The following RXRA variants were observed in gnomAD, a reference collection of about 807,000 sequenced individuals.
The protein encoded by RXRA is retinoic acid receptor RXR-alpha.
Under a neutral mutation model 44.5 loss-of-function variants are expected in RXRA, and 5 were observed. The ratio of observed to expected loss-of-function variants is 0.11; its 90% CI spans 0.06 to 0.24. The LOEUF (loss-of-function observed/expected upper bound fraction) is 0.24. Among genes scored for constraint, RXRA ranks in the 10% least tolerant of loss-of-function variants. The probability of loss-of-function intolerance (pLI) is 1.00; values close to 1 mark genes in which losing one functional copy is unlikely to be tolerated. For synonymous variants in RXRA, 291 were observed against 271.4 expected (o/e 1.07, Z -0.71); for missense variants, 412 against 646.5 (o/e 0.64, Z 3.93).
rs1588252577 is a variant in RXRA at position 134,342,381 on chromosome 9, G to A, written c.28+15722G>A. 6.6e-6 allele frequency among the ~76,000 whole-genome samples: 1 copy of A among 152,174 alleles called. No homozygotes were observed. The highest frequency in any genetic ancestry group is 6.5e-5 in the Admixed American group (1 of 15,286). On this transcript the variant is annotated intron_variant, in intron 1 of 9. Coordinates refer to ENST00000481739, the MANE Select transcript of RXRA (RefSeq NM_002957.6). This position sits in a 1 kb window ranked among gnomAD's most constrained non-coding sequence, Gnocchi z 4.4. ...GGCCTGGGCTCAGAGAGGCTGAGCC[G>A]ATCTTCAAGGCCACACAGCTTGTGG...
intron 5 of RXRA, among the ~76,000 whole-genome samples, chr9:134,419,373 CCA>C (rs1831290739): frequency 6.6e-6 from 1 of 152,236 alleles, no homozygotes; most frequent in African/African-American, 2.4e-5. Context: ...GAGTTTAGAA[CCA>C]CAGAGGCAGG....
chr9:134,344,238 T>G (rs1329039441), intron 1 of RXRA, among the ~76,000 whole-genome samples: 1 of 152,192 alleles, frequency 6.6e-6, no homozygotes, highest in African/African-American at 2.4e-5. Flanking sequence ...CAGCCTCCTC[T>G]GGCACCGGCA....
rs1253836147 is a variant in RXRA, at chr9:134,343,046, G to T, written c.28+16387G>T. ...CCAGCAGATTATGGGATTTTCACCT[G>T]CCCAGCCCTGGGAGGTGTCTTGGAC... On this transcript the variant is annotated intron_variant, in intron 1 of 9. Transcript: ENST00000481739. The surrounding 1 kb of genome is among the most constrained non-coding windows in gnomAD (Gnocchi z 4.1). Among the ~76,000 whole-genome samples the T allele has an allele frequency of 1.3e-5, 2 of 152,174 alleles. No homozygotes were observed. The highest frequency in any genetic ancestry group is 6.5e-5 in the Admixed American group (1 of 15,290).
At chr9:134,358,859 G>C (rs1830316122) in intron 1 of RXRA, among the ~76,000 whole-genome samples, 1 of 152,190 alleles carries the variant, frequency 6.6e-6, no homozygotes, top group Non-Finnish European at 1.5e-5. Flanking sequence ...AGGGCTGTGG[G>C]CAGAGGGCCA....
chr9:134,434,544 G>A (rs910995920), intron 9 of RXRA, among the ~76,000 whole-genome samples: 9 of 152,190 alleles, frequency 5.9e-5, no homozygotes, highest in African/African-American at 1.7e-4. Flanking sequence ...GGCGACACCA[G>A]CACATAGTAG....
intron 9 of RXRA, among the ~76,000 whole-genome samples, chr9:134,435,724 AC>A (rs1315116891): frequency 6.6e-6 from 1 of 151,734 alleles, no homozygotes; most frequent in African/African-American, 2.4e-5. Context: ...TTGGTTGCCC[AC>A]CATGTGCCGG....
At chr9:134,418,354 T>C (rs1233351807) in intron 5 of RXRA, among the ~76,000 whole-genome samples, 2 of 152,158 alleles carry the variant, frequency 1.3e-5, no homozygotes, top group African/African-American at 4.8e-5. Flanking sequence ...TCTTTTGCCA[T>C]GGTCACCATG....
chr9:134,408,413 G>T, intron 3 of RXRA, 114 bp downstream of exon 3: 2 of 1,172,768 alleles, frequency 1.7e-6, no homozygotes, highest in Non-Finnish European at 2.3e-6. Flanking sequence ...CAAGGCCAGG[G>T]TGCAGGGAGG....
At chr9:134,326,680 G>GCGGGGA in intron 1 of RXRA, 21 bp downstream of exon 1, 2 of 893,558 alleles carry the variant, frequency 2.2e-6, no homozygotes, top group South Asian at 4.9e-5. Context: ...GCCGGGCCGG[G>GCGGGGA]CGGGGACGGG....
rs866406777 is a variant in RXRA at position 134,433,661 on chromosome 9, C to T, written c.1136-441C>T. Among the ~76,000 whole-genome samples, 7 of 152,092 alleles carry T rather than the reference C, an allele frequency of 4.6e-5. No individual in the cohort carries two copies. Among genetic ancestry groups the T allele is most frequent in the African/African-American group, 1.7e-4 (7 of 41,390 alleles). On this transcript the variant is annotated intron_variant, in intron 8 of 9. Coordinates refer to ENST00000481739, the MANE Select transcript of RXRA (RefSeq NM_002957.6). The surrounding 1 kb of genome is among the most constrained non-coding windows in gnomAD (Gnocchi z 4.2). ...CGCAAGCACACCGAGGATGGGTTTC[C>T]GCAGGGTCTGGGTACTCCTGGGGGC...
At chr9:134,421,126 C>G (rs1831322740) in intron 5 of RXRA, among the ~76,000 whole-genome samples, 1 of 152,248 alleles carries the variant, frequency 6.6e-6, no homozygotes, top group Non-Finnish European at 1.5e-5. Flanking sequence ...GTGGGAGAGA[C>G]TCGTGCGTCC....
rs77647821 is a variant in RXRA, at chr9:134,354,756, G to T, written c.28+28097G>T. On this transcript the variant is annotated intron_variant, in intron 1 of 9. Transcript: ENST00000481739. ...GGCCGTGTTGTTGCTCGAAGTCTCA[G>T]ATCTGGGCCAAACCTGCCTCCGCTG... Among the ~76,000 whole-genome samples, 34 of 152,374 alleles carry T rather than the reference G, an allele frequency of 2.2e-4. No homozygotes were observed. In the East Asian group the frequency reaches 6.6e-3, roughly 29 times the overall value.
intron 1 of RXRA, among the ~76,000 whole-genome samples, chr9:134,359,526 A>G (rs1830323816): frequency 6.6e-6 from 1 of 152,056 alleles, no homozygotes; most frequent in Non-Finnish European, 1.5e-5. Flanking sequence ...TTCCTGGGGC[A>G]CTGTGGCTTT....
chr9:134,372,352 G>A (rs1050594367), intron 1 of RXRA, among the ~76,000 whole-genome samples: 3 of 152,154 alleles, frequency 2.0e-5, no homozygotes, highest in African/African-American at 7.2e-5. Flanking sequence ...GTTGGGGCTG[G>A]AGCATGGACC....
chr9:134,384,333 C>A (rs1290439296), intron 1 of RXRA, among the ~76,000 whole-genome samples: 1 of 152,238 alleles, frequency 6.6e-6, no homozygotes, highest in Non-Finnish European at 1.5e-5. Flanking sequence ...CCAAACTGGG[C>A]AGACATTGAT....
intron 1 of RXRA, among the ~76,000 whole-genome samples, chr9:134,332,072 C>T (rs550277213): frequency 1.2e-3 from 177 of 151,782 alleles, no homozygotes; most frequent in African/African-American, 4.1e-3. Context: ...TGGTTGAAGG[C>T]CCTCTAAGGA....
chr9:134,344,020 C>CT (rs1319381653), intron 1 of RXRA, among the ~76,000 whole-genome samples: 17 of 152,202 alleles, frequency 1.1e-4, no homozygotes, highest in African/African-American at 4.1e-4. Context: ...GGGCCGTGCC[C>CT]TATGTGGCCC....
In RXRA at chr9:134,349,739, C is replaced by T. The variant is rs1376299260; in HGVS notation, c.28+23080C>T. Among the ~76,000 whole-genome samples, 1 of 143,768 alleles carries T rather than the reference C, an allele frequency of 7.0e-6. No homozygotes were observed. Among genetic ancestry groups the T allele is most frequent in the Non-Finnish European group, 1.5e-5 (1 of 67,216 alleles). 94.3% of individuals were successfully genotyped at this position (143,768 alleles called of 152,430 possible). A position where few individuals can be genotyped will look rare whatever the true frequency, so the allele number is the denominator to read the frequency against. ...CTCCCTGGAGGCGCAGGGCTGTGCA[C>T]AGGATTCCCCAGGGCTGGGCCAGCC... On this transcript the variant is annotated intron_variant, in intron 1 of 9. Transcript: ENST00000481739. The surrounding 1 kb of genome is among the most constrained non-coding windows in gnomAD (Gnocchi z 4.3).
At position 134,440,318 on chromosome 9, in the gene RXRA, G is replaced by C. The variant is rs1450849801; in HGVS notation, c.*3704G>C. 1 of 152,364 alleles carries C rather than the reference G, an allele frequency of 6.6e-6. No individual in the cohort carries two copies. The highest frequency in any genetic ancestry group is 1.5e-5 in the Non-Finnish European group (1 of 68,040). The allele number at this position is 152,364 out of a possible 1,614,324, so 9.4% of individuals were successfully genotyped here. A position where few individuals can be genotyped will look rare whatever the true frequency, so the allele number is the denominator to read the frequency against. On this transcript the variant is annotated 3_prime_UTR_variant, in exon 10 of 10. Transcript: ENST00000481739. ...GGGGGTGTCTTCCCTCGGGGCAGGA[G>C]GGTGGGCCTGAGGCTTTCAAGGGTT...
Sources: gnomAD v4.1 joint callset for allele counts (sites outside exome capture counted in the v4.1 genomes callset) on GRCh38, gnomAD v4.1.1 for gene constraint, Gnocchi (gnomAD v3.1) non-coding constraint, MANE v1.5 for transcripts, NCBI Gene and HGNC (gene_info 2026-07-23, HGNC 2026-07-21) for gene names.